Variants in TBC1D8 observed in about 807,000 individuals in gnomAD.
TBC1D8 encodes the protein BUB2-like protein 1.
In TBC1D8, 65 loss-of-function variants were observed where a neutral mutation model predicts 118.8. The observed-to-expected ratio is 0.55, with a 90% CI of 0.45 to 0.67. TBC1D8 has a LOEUF of 0.67. TBC1D8 is among the 30% of genes least tolerant of loss of function. The pLI is 0.00. For missense variants in TBC1D8, 1,376 were observed against 1,471.2 expected (o/e 0.94, Z 1.06); for synonymous variants, 566 against 595.8 (o/e 0.95, Z 0.73).
intron 1 of TBC1D8, among the ~76,000 whole-genome samples, chr2:101,128,183 A>G (rs1457568195): frequency 6.6e-6 from 1 of 152,210 alleles, no homozygotes; most frequent in Non-Finnish European, 1.5e-5. Flanking sequence ...ACTACCAAAT[A>G]CAGATTAAGC....
intron 1 of TBC1D8, among the ~76,000 whole-genome samples, chr2:101,129,095 T>C (rs1169830642): frequency 6.6e-6 from 1 of 152,254 alleles, no homozygotes; most frequent in East Asian, 1.9e-4. Flanking sequence ...GTAAATTTTA[T>C]GTTATGTATA....
rs899414447 is a variant in TBC1D8 at position 101,010,398 on chromosome 2, G to A, written c.3015+531C>T. 3.3e-5 allele frequency among the ~76,000 whole-genome samples: 5 copies of A among 152,248 alleles called. No individual in the cohort carries two copies. In the South Asian group the frequency reaches 8.3e-4, roughly 25 times the overall value. ...AATCTGTATCACAACCTGGATAAAT[G>A]AATTTTATACAAAAACTCCTCAAAG... On this transcript the variant is annotated intron_variant, in intron 19 of 19. Coordinates refer to ENST00000409318, the MANE Select transcript of TBC1D8 (RefSeq NM_001330348.2).
rs1261650183 is a variant in TBC1D8, at chr2:101,022,390, C to T, written c.2652G>A (p.Ser884=). The T allele has an allele frequency of 1.9e-6, 3 of 1,613,278 alleles. No individual in the cohort carries two copies. The highest frequency in any genetic ancestry group is 1.3e-5 in the African/African-American group (1 of 75,022). ...RQFAHLFQLV[S]PWTCGAHTEI... ...CCGTGTGGGCCCCGCAGGTCCAGGGCGAGACTAGCTGAAACAGGTGTGCAA... is the reference window on the plus strand; with the variant it reads ...CCGTGTGGGCCCCGCAGGTCCAGGGTGAGACTAGCTGAAACAGGTGTGCAA... The change falls in exon 16 of 20, where the codon TCG becomes TCA. Residue 884 remains serine (S), a synonymous_variant. Transcript: ENST00000409318.
chr2:101,111,980 G>C (rs1276209056), intron 1 of TBC1D8, among the ~76,000 whole-genome samples: 1 of 150,416 alleles, frequency 6.6e-6, no homozygotes. Context: ...AGCTCCTAAT[G>C]TAAATAAAAA....
intron 1 of TBC1D8, among the ~76,000 whole-genome samples, chr2:101,115,253 G>A (rs1677769518): frequency 1.3e-5 from 2 of 152,180 alleles, no homozygotes; most frequent in Non-Finnish European, 2.9e-5. Flanking sequence ...CAACCTGTGG[G>A]AAGAACAGAC....
intron 2 of TBC1D8, among the ~76,000 whole-genome samples, chr2:101,073,540 C>T (rs943373099): frequency 3.9e-5 from 6 of 152,072 alleles, no homozygotes; most frequent in East Asian, 1.9e-4. Flanking sequence ...GTGATCCGCC[C>T]GCCTCGGCCT....
intron 1 of TBC1D8, among the ~76,000 whole-genome samples, chr2:101,124,715 TG>T (rs1678277372): frequency 6.6e-6 from 1 of 152,170 alleles, no homozygotes; most frequent in Non-Finnish European, 1.5e-5. Context: ...CTTAGGGACA[TG>T]GTCCCTGGGT....
chr2:101,015,733 C>G (rs964537683), intron 17 of TBC1D8, among the ~76,000 whole-genome samples: 3 of 152,172 alleles, frequency 2.0e-5, no homozygotes, highest in African/African-American at 7.2e-5. Context: ...AGATATAGAT[C>G]AATGGAACAG....
At chr2:101,120,486 T>C (rs946031237) in intron 1 of TBC1D8, among the ~76,000 whole-genome samples, 7 of 152,190 alleles carry the variant, frequency 4.6e-5, no homozygotes, top group African/African-American at 1.7e-4. Context: ...TGAACCACTG[T>C]GTCTATCCTA....
chr2:101,110,662 G>A (rs1172451383), intron 1 of TBC1D8, among the ~76,000 whole-genome samples: 2 of 152,102 alleles, frequency 1.3e-5, no homozygotes, highest in African/African-American at 2.4e-5. Context: ...GTTTTTGAGG[G>A]TTAGAGAGAA....
chr2:101,124,061 T>C (rs1161751896), intron 1 of TBC1D8, among the ~76,000 whole-genome samples: 1 of 152,200 alleles, frequency 6.6e-6, no homozygotes, highest in Non-Finnish European at 1.5e-5. Context: ...AGACAGCTGG[T>C]TGTTTAGATT....
chr2:101,089,612 TGA>T (rs1675880308), intron 2 of TBC1D8, among the ~76,000 whole-genome samples: 1 of 151,950 alleles, frequency 6.6e-6, no homozygotes, highest in Admixed American at 6.6e-5. Context: ...AGCTGTCCAG[TGA>T]CTCATTCTCT....
intron 1 of TBC1D8, among the ~76,000 whole-genome samples, chr2:101,105,097 T>C (rs977599381): frequency 6.6e-6 from 1 of 151,434 alleles, no homozygotes; most frequent in Non-Finnish European, 1.5e-5. Flanking sequence ...TGGTGATGAC[T>C]CTGTAGAGAT....
At chr2:101,015,333 G>A (rs571806403) in intron 17 of TBC1D8, among the ~76,000 whole-genome samples, 3 of 152,296 alleles carry the variant, frequency 2.0e-5, no homozygotes, top group South Asian at 2.1e-4. Context: ...AGTGAGTAGC[G>A]AGTGAATATG....
At chr2:101,107,437 C>T (rs2105475593) in intron 1 of TBC1D8, among the ~76,000 whole-genome samples, 1 of 151,258 alleles carries the variant, frequency 6.6e-6, no homozygotes, top group Non-Finnish European at 1.5e-5. Context: ...GGCTGAGGGC[C>T]CAGACAGAAA....
chr2:101,008,229 A>G lies in TBC1D8; in HGVS notation c.3060T>C (p.His1020=), dbSNP rs771628687. 12 of 1,598,936 alleles carry G rather than the reference A, an allele frequency of 7.5e-6. No individual in the cohort carries two copies. In the East Asian group the frequency reaches 2.5e-4, roughly 33 times the overall value. The change falls in exon 20 of 20, where the codon CAT becomes CAC. Residue 1020 remains histidine, a synonymous_variant. Coordinates refer to ENST00000409318, the MANE Select transcript of TBC1D8 (RefSeq NM_001330348.2). ...ACAAATCATTTTCTTCTGGATCTTC[A>G]TGGAACATACTGTACAGAGTTTTAC... ...QFCKTLYSMF[H]EDPEENDLYQ... is the part of the protein sequence containing the mutation.
At position 101,138,163 on chromosome 2, in the gene TBC1D8, C is replaced by G. The variant is rs545593173; in HGVS notation, c.127+12964G>C. ...ACGAGAACAGCACCAAAGGGGAAAT[C>G]CACCCTCATGATCCAATCACCTCCC... On this transcript the variant is annotated intron_variant, in intron 1 of 19. Transcript: ENST00000409318. Among the ~76,000 whole-genome samples, 29 of 152,218 alleles carry G rather than the reference C, an allele frequency of 1.9e-4. No individual in the cohort carries two copies. In the East Asian group the frequency reaches 5.6e-3, roughly 29 times the overall value.
In TBC1D8 at chr2:101,082,577, A is replaced by C. The variant is rs553422051; in HGVS notation, c.283+7632T>G. 6.6e-5 allele frequency among the ~76,000 whole-genome samples: 10 copies of C among 152,358 alleles called. No homozygotes were observed. In the South Asian group the frequency reaches 1.9e-3, roughly 28 times the overall value. On this transcript the variant is annotated intron_variant, in intron 2 of 19. Coordinates refer to ENST00000409318, the MANE Select transcript of TBC1D8 (RefSeq NM_001330348.2). The stretch of plus-strand genomic sequence containing the variant: ...CAAACAGAAAGCCGACTTACAATGG[A>C]ATATCATTCAGCTGTAAAAACGACG...
intron 1 of TBC1D8, among the ~76,000 whole-genome samples, chr2:101,103,350 G>C (rs1478528446): frequency 6.5e-5 from 9 of 137,978 alleles, no homozygotes; most frequent in Admixed American, 3.0e-4. Flanking sequence ...GGGGGAAGCA[G>C]GAAACAAAAA....
Sources: gnomAD v4.1 joint callset for allele counts (sites outside exome capture counted in the v4.1 genomes callset) on GRCh38, gnomAD v4.1.1 for gene constraint, MANE v1.5 for transcripts, NCBI Gene and HGNC (gene_info 2026-07-23, HGNC 2026-07-21) for gene names.